Variants in RNF141 observed in about 807,000 individuals in gnomAD.
The protein encoded by RNF141 is C3HC4-like zinc finger protein.
Under a neutral mutation model 27.4 loss-of-function variants are expected in RNF141, and 18 were observed. The observed-to-expected ratio is 0.66, with a 90% confidence interval of 0.45 to 0.97. The LOEUF is 0.97. Among genes scored for constraint, RNF141 ranks in the 50% least tolerant of loss-of-function variants. RNF141 has a pLI of 0.00. For synonymous variants in RNF141, 97 were observed against 96.6 expected (o/e 1.00, Z -0.02); for missense variants, 230 against 279.4 (o/e 0.82, Z 1.26).
At position 10,530,755 on chromosome 11, in the gene RNF141, A is replaced by C. The variant is rs1849978929; in HGVS notation, c.144-4T>G. On this transcript the variant is annotated splice_region_variant and splice_polypyrimidine_tract_variant and intron_variant, in intron 2 of 5. Coordinates refer to ENST00000265981, the MANE Select transcript of RNF141 (RefSeq NM_016422.4). ...GCCAGAAGCCACTTTAGCCGTTCTG[A>C]AAAGAGACAAGAACATGTTAATTTT... The C allele has an allele frequency of 2.5e-6, 4 of 1,571,694 alleles. 1 individual carries two copies. The South Asian group carries it at 4.6e-5, about 18-fold the overall frequency.
At chr11:10,518,965 T>C (rs1849864121) in intron 5 of RNF141, 69 bp downstream of exon 5, 2 of 1,229,968 alleles carry the variant, frequency 1.6e-6, no homozygotes, top group East Asian at 2.4e-5. Flanking sequence ...TTTTGCACTT[T>C]TCAAAGTTTA....
chr11:10,519,664 A>AGGCTACTGTAACACTGTAGCCTACAC (rs543449377), intron 4 of RNF141, among the ~76,000 whole-genome samples: 2 of 152,138 alleles, frequency 1.3e-5, no homozygotes, highest in Non-Finnish European at 2.9e-5. Context: ...ATGTTACTGT[A>AGGCTACTGTAACACTGTAGCCTACAC]TGGAACACTG....
At chr11:10,523,404 C>T (rs563749434) in intron 4 of RNF141, among the ~76,000 whole-genome samples, 2 of 152,202 alleles carry the variant, frequency 1.3e-5, no homozygotes, top group South Asian at 2.1e-4. Context: ...TGAAATGGGC[C>T]GATAATTGTA....
At chr11:10,530,456 G>A (rs1463358478) in intron 3 of RNF141, among the ~76,000 whole-genome samples, 187 bp downstream of exon 3, 1 of 152,160 alleles carries the variant, frequency 6.6e-6, no homozygotes, top group Non-Finnish European at 1.5e-5. Flanking sequence ...AACCCCTGCT[G>A]TATAGCAATT....
intron 2 of RNF141, among the ~76,000 whole-genome samples, chr11:10,531,320 A>G (rs1849984243): frequency 6.7e-6 from 1 of 150,104 alleles, no homozygotes; most frequent in South Asian, 2.1e-4. Flanking sequence ...GGTTGTAGTG[A>G]GCCAAGATCA....
At chr11:10,528,017 G>A (rs1300419049) in intron 3 of RNF141, among the ~76,000 whole-genome samples, 1 of 152,142 alleles carries the variant, frequency 6.6e-6, no homozygotes, top group African/African-American at 2.4e-5. Flanking sequence ...GTTCTTAACA[G>A]CCACCTTAGT....
At chr11:10,540,562 T>A (rs901367318) in intron 1 of RNF141, among the ~76,000 whole-genome samples, 4 of 152,166 alleles carry the variant, frequency 2.6e-5, no homozygotes, top group Non-Finnish European at 5.9e-5. Flanking sequence ...AGGAAAGACC[T>A]TTGGGAAGGG....
At position 10,531,846 on chromosome 11, in the gene RNF141, G is replaced by A. The variant is rs113713723; in HGVS notation, c.144-1095C>T. On this transcript the variant is annotated intron_variant, in intron 2 of 5. Coordinates refer to ENST00000265981, the MANE Select transcript of RNF141 (RefSeq NM_016422.4). ...ACTAGCCTTAGGAAACAAAGTCTTC[G>A]GTGAAAATAATTCAGCCGTGCCAGT... is the stretch of plus-strand genomic sequence containing the variant. 7 of 240,616 alleles carry A rather than the reference G, an allele frequency of 2.9e-5. 1 individual carries two copies. The highest frequency in any genetic ancestry group is 1.1e-3 in the Middle Eastern group (2 of 1,792). 14.9% of individuals were successfully genotyped at this position (240,616 alleles called of 1,614,324 possible).
chr11:10,538,593 G>C (rs1850057691), intron 1 of RNF141, among the ~76,000 whole-genome samples: 1 of 152,220 alleles, frequency 6.6e-6, no homozygotes, highest in Non-Finnish European at 1.5e-5. Flanking sequence ...GAGGACAGCA[G>C]CTATGGTCTG....
chr11:10,540,694 C>CCGCG (rs1352699721), intron 1 of RNF141: 1 of 152,212 alleles, frequency 6.6e-6, no homozygotes, highest in African/African-American at 2.4e-5. Context: ...GAGACCGAGC[C>CCGCG]CGCGGGCCAC....
chr11:10,521,098 G>C lies in RNF141; in HGVS notation c.435-1957C>G, dbSNP rs114015865. 2.5e-3 allele frequency among the ~76,000 whole-genome samples: 382 copies of C among 152,256 alleles called. 4 individuals carry two copies. Among genetic ancestry groups the C allele is most frequent in the African/African-American group, 8.9e-3 (368 of 41,558 alleles). ...CTTTCATCTTCTTGGGAAGAAAAAA[G>C]ATTTCAAACCTTTTGCTCCAGCCAC... On this transcript the variant is annotated intron_variant, in intron 4 of 5. Transcript: ENST00000265981.
chr11:10,531,708 T>G, intron 2 of RNF141: 1 of 189,796 alleles, frequency 5.3e-6, no homozygotes, highest in Non-Finnish European at 1.1e-5. Flanking sequence ...TTCGAAGACA[T>G]GCTTAAGTAT....
chr11:10,540,083 G>A (rs1021501813), intron 1 of RNF141, among the ~76,000 whole-genome samples: 4 of 152,100 alleles, frequency 2.6e-5, no homozygotes, highest in African/African-American at 9.7e-5. Context: ...TCACTTCTCA[G>A]ACGGGTGACT....
intron 4 of RNF141, among the ~76,000 whole-genome samples, chr11:10,524,769 T>G (rs1441721079): frequency 1.3e-5 from 2 of 152,226 alleles, no homozygotes; most frequent in African/African-American, 4.8e-5. Context: ...TGCCAAGTCC[T>G]GAAGCCAATA....
At chr11:10,526,584 C>G (rs1022991572) in intron 3 of RNF141, among the ~76,000 whole-genome samples, 1 of 152,030 alleles carries the variant, frequency 6.6e-6, no homozygotes, top group African/African-American at 2.4e-5. Context: ...GAGATTGAGA[C>G]CATCCTGGCT....
rs144898917 is a variant in RNF141 at position 10,534,077 on chromosome 11, G to A, written c.82C>T (p.Arg28Ter). The change falls in exon 2 of 6, where the codon CGA becomes TGA. Residue 28 changes from arginine to a stop codon, truncating the protein, a stop_gained. Transcript: ENST00000265981. LOFTEE classifies it high-confidence loss of function. ...TCATAAGTTAAGGAGCCACTCTCTC[G>A]AACCAACGTAACATGTTTTGCTACT... ...EKVAKHVTLVRESGSLTYEEF... is the reference protein window; with the variant it reads ...EKVAKHVTLV 22 of 1,613,370 alleles carry A rather than the reference G, an allele frequency of 1.4e-5. No individual in the cohort carries two copies. In the African/African-American group the frequency reaches 1.7e-4, roughly 13 times the overall value.
chr11:10,523,641 CAAG>C (rs1370263546), intron 4 of RNF141, among the ~76,000 whole-genome samples: 2 of 152,108 alleles, frequency 1.3e-5, no homozygotes, highest in Admixed American at 6.5e-5. Flanking sequence ...CACACAAAAA[CAAG>C]AAGCACCCCT....
intron 5 of RNF141, chr11:10,516,860 GAATC>G (rs1849846899): frequency 6.6e-6 from 1 of 151,978 alleles, no homozygotes; most frequent in Non-Finnish European, 1.5e-5. Flanking sequence ...AGATCCAAAA[GAATC>G]AAACTGTTTC....
At position 10,520,297 on chromosome 11, in the gene RNF141, G is replaced by A. The variant is rs892270252; in HGVS notation, c.435-1156C>T. On this transcript the variant is annotated intron_variant, in intron 4 of 5. Transcript: ENST00000265981. ...CTTACCTTAAAACACACATTATACA[G>A]CTGTACAGAAATATTTTATAAGCTT... is the stretch of plus-strand genomic sequence containing the variant. Among the ~76,000 whole-genome samples, 4 of 152,024 alleles carry A rather than the reference G, an allele frequency of 2.6e-5. 1 individual carries two copies. Among genetic ancestry groups the A allele is most frequent in the African/African-American group, 9.7e-5 (4 of 41,382 alleles).
Sources: allele counts gnomAD v4.1 joint callset (sites outside exome capture counted in the v4.1 genomes callset), GRCh38; gene constraint gnomAD v4.1.1; transcripts MANE v1.5; gene names NCBI Gene and HGNC (gene_info 2026-07-23, HGNC 2026-07-21).